Variants in CCDC192 observed in about 807,000 individuals in gnomAD.
The protein encoded by CCDC192 is coiled-coil domain containing 192, also known as coiled-coil domain-containing protein 192.
intron 3 of CCDC192, among the ~76,000 whole-genome samples, chr5:127,775,193 G>A (rs1220597702): frequency 2.0e-5 from 3 of 152,100 alleles, no homozygotes; most frequent in African/African-American, 7.2e-5. Flanking sequence ...TTGCCTGGGA[G>A]CATTCCTTTC....
At chr5:127,904,126 G>C (rs542582939) in intron 6 of CCDC192, among the ~76,000 whole-genome samples, 5 of 152,312 alleles carry the variant, frequency 3.3e-5, no homozygotes, top group South Asian at 2.1e-4. Context: ...GGGCCAGAGA[G>C]ATGCAGCATT....
intron 3 of CCDC192, among the ~76,000 whole-genome samples, chr5:127,760,231 G>A (rs1754834141): frequency 6.7e-6 from 1 of 149,972 alleles, no homozygotes; most frequent in African/African-American, 2.4e-5. Flanking sequence ...TTAAAGAACT[G>A]AGGGTCCTGG....
At position 127,742,023 on chromosome 5, in the gene CCDC192, T is replaced by C. The variant is rs539057379; in HGVS notation, c.115-12245T>C. Among the ~76,000 whole-genome samples, 22 of 152,314 alleles carry C rather than the reference T, an allele frequency of 1.4e-4. No individual in the cohort carries two copies. In the South Asian group the frequency reaches 2.5e-3, roughly 17 times the overall value. On this transcript the variant is annotated intron_variant, in intron 2 of 6. Coordinates refer to ENST00000514853, the MANE Select transcript of CCDC192 (RefSeq NM_001317938.2). ...CATAAACCTAATCCCAAGATTTCTG[T>C]ATTGGAGAGAAATTCTAGGCTGAGA...
chr5:127,765,461 A>G (rs1755167958), intron 3 of CCDC192, among the ~76,000 whole-genome samples: 1 of 152,164 alleles, frequency 6.6e-6, no homozygotes, highest in Non-Finnish European at 1.5e-5. Context: ...TTAAATTTCT[A>G]AGTTTTACTT....
At chr5:127,783,155 C>T (rs752079342) in intron 3 of CCDC192, among the ~76,000 whole-genome samples, 33 of 151,990 alleles carry the variant, frequency 2.2e-4, no homozygotes, top group Non-Finnish European at 4.4e-4. Flanking sequence ...GCCACCATGA[C>T]CTGCTAATTT....
intron 3 of CCDC192, among the ~76,000 whole-genome samples, chr5:127,763,463 TC>T (rs1445246683): frequency 6.6e-6 from 1 of 152,194 alleles, no homozygotes; most frequent in African/African-American, 2.4e-5. Context: ...GCAGTGCCTC[TC>T]CTGACTTTAC....
intron 5 of CCDC192, among the ~76,000 whole-genome samples, chr5:127,858,009 C>T (rs1414762206): frequency 5.9e-5 from 9 of 152,146 alleles, no homozygotes; most frequent in Non-Finnish European, 1.3e-4. Context: ...GGTGACAGCT[C>T]TAAGTCTCCA....
chr5:127,785,458 C>T (rs1219512957), intron 3 of CCDC192: 4 of 242,604 alleles, frequency 1.6e-5, no homozygotes, highest in Non-Finnish European at 8.2e-6. Flanking sequence ...AAACCACAAG[C>T]TTGCTTTAAC....
At chr5:127,740,443 A>T (rs1373416695) in intron 2 of CCDC192, among the ~76,000 whole-genome samples, 1 of 152,196 alleles carries the variant, frequency 6.6e-6, no homozygotes, top group East Asian at 1.9e-4. Flanking sequence ...AGATCTTGGT[A>T]AAGAATGGAG....
intron 2 of CCDC192, among the ~76,000 whole-genome samples, chr5:127,741,674 T>G (rs1753427756): frequency 6.6e-6 from 1 of 152,192 alleles, no homozygotes; most frequent in Non-Finnish European, 1.5e-5. Context: ...AATATGAACT[T>G]GAATTCAGGA....
intron 6 of CCDC192, among the ~76,000 whole-genome samples, chr5:127,891,779 C>G (rs556898803): frequency 3.3e-5 from 5 of 152,308 alleles, no homozygotes; most frequent in South Asian, 2.1e-4. Flanking sequence ...CTTCACCTCC[C>G]TCTCATTTGC....
At chr5:127,735,311 TG>T (rs1236776285) in intron 2 of CCDC192, among the ~76,000 whole-genome samples, 1 of 141,064 alleles carries the variant, frequency 7.1e-6, no homozygotes, top group East Asian at 2.0e-4. Context: ...ACCAGTACCA[TG>T]CTGTTTTGGT....
At chr5:127,790,692 G>A (rs1756819990) in intron 3 of CCDC192, among the ~76,000 whole-genome samples, 1 of 152,148 alleles carries the variant, frequency 6.6e-6, no homozygotes, top group Non-Finnish European at 1.5e-5. Flanking sequence ...CCAGATAGAA[G>A]TGAAAACATA....
At position 127,884,473 on chromosome 5, in the gene CCDC192, T is replaced by C. The variant is rs141236806; in HGVS notation, c.535+8812T>C. On this transcript the variant is annotated intron_variant, in intron 6 of 6. Coordinates refer to ENST00000514853, the MANE Select transcript of CCDC192 (RefSeq NM_001317938.2). The stretch of plus-strand genomic sequence containing the variant: ...TCCTTAGGTAGTTAGCACTGGCTTA[T>C]GGTACTTGCAATCAAGGAACATTAA... Among the ~76,000 whole-genome samples, 6 of 151,968 alleles carry C rather than the reference T, an allele frequency of 3.9e-5. No homozygotes were observed. In the East Asian group the frequency reaches 1.2e-3, roughly 29 times the overall value.
chr5:127,709,301 T>A (rs1751187856), intron 2 of CCDC192, among the ~76,000 whole-genome samples: 1 of 149,458 alleles, frequency 6.7e-6, no homozygotes, highest in African/African-American at 2.5e-5. Context: ...CTCACCATCA[T>A]GAGAACAGCA....
chr5:127,894,261 T>C (rs574226881), intron 6 of CCDC192, among the ~76,000 whole-genome samples: 2,185 of 149,924 alleles, frequency 0.015, 49 homozygotes, highest in African/African-American at 0.05. Flanking sequence ...GGTGTGATCT[T>C]GGCTCACTGC....
At chr5:127,899,863 G>A (rs114623265) in intron 6 of CCDC192, among the ~76,000 whole-genome samples, 325 of 152,356 alleles carry the variant, frequency 2.1e-3, no homozygotes, top group African/African-American at 7.4e-3. Context: ...AGGGGACACA[G>A]GTCCTGATTT....
At chr5:127,840,817 A>G (rs1750249340) in intron 5 of CCDC192, among the ~76,000 whole-genome samples, 1 of 152,236 alleles carries the variant, frequency 6.6e-6, no homozygotes, top group African/African-American at 2.4e-5. Context: ...CTTAAGGGTT[A>G]AATCTATCAT....
intron 3 of CCDC192, chr5:127,786,585 T>A (rs1283873736): frequency 2.8e-6 from 2 of 717,670 alleles, no homozygotes; most frequent in Non-Finnish European, 5.2e-6. Flanking sequence ...TTTCACATAT[T>A]CCTTTCGTCC....
Sources: allele counts gnomAD v4.1 joint callset (sites outside exome capture counted in the v4.1 genomes callset), GRCh38; gene constraint gnomAD v4.1.1; transcripts MANE v1.5; gene names NCBI Gene and HGNC (gene_info 2026-07-23, HGNC 2026-07-21).